FBXO15: variants seen among roughly 807,000 people sequenced by gnomAD.
FBXO15 encodes F-box protein 15, also known as F-box only protein 15.
In FBXO15, 30 loss-of-function variants were observed where a neutral mutation model predicts 49.5. That is an observed-to-expected ratio of 0.61 (90% CI 0.45 to 0.82). The LOEUF is 0.82. Ranked by LOEUF, FBXO15 falls within the 40% of genes least tolerant of loss-of-function variation. The probability of loss-of-function intolerance (pLI) is 0.00; values close to 1 mark genes in which losing one functional copy is unlikely to be tolerated. For missense variants in FBXO15, 591 were observed against 631.5 expected, an observed-to-expected ratio of 0.94 and a Z score of 0.69; for synonymous variants, 250 against 232.7, an observed-to-expected ratio of 1.07 and a Z score of -0.68.
intron 8 of FBXO15, among the ~76,000 whole-genome samples, chr18:74,096,130 G>T (rs1214115888): frequency 2.0e-5 from 3 of 152,150 alleles, no homozygotes; most frequent in Non-Finnish European, 2.9e-5. Context: ...TCCCTGGCAG[G>T]AGACCTGTCC....
intron 9 of FBXO15, among the ~76,000 whole-genome samples, chr18:74,078,054 C>A (rs527623012): frequency 3.5e-4 from 54 of 152,184 alleles, no homozygotes; most frequent in African/African-American, 1.3e-3. Flanking sequence ...CAGGAAGGAG[C>A]GGCCGGTGGG....
intron 7 of FBXO15, among the ~76,000 whole-genome samples, chr18:74,123,873 C>T (rs1300945969): frequency 1.3e-5 from 2 of 151,988 alleles, no homozygotes; most frequent in Non-Finnish European, 2.9e-5. Flanking sequence ...CACTGAATAC[C>T]GATCTGCAGG....
At chr18:74,085,113 G>T (rs1271712490) in intron 8 of FBXO15, among the ~76,000 whole-genome samples, 1 of 151,712 alleles carries the variant, frequency 6.6e-6, no homozygotes, top group Admixed American at 6.6e-5. Flanking sequence ...ATCCCAATAG[G>T]TACTTCAGAA....
chr18:74,137,486 A>T (rs972652709), intron 2 of FBXO15, among the ~76,000 whole-genome samples: 2 of 152,230 alleles, frequency 1.3e-5, no homozygotes, highest in Non-Finnish European at 2.9e-5. Context: ...CATTCAAGAC[A>T]GGCATTCAGC....
At chr18:74,107,057 G>A (rs749692910) in intron 8 of FBXO15, among the ~76,000 whole-genome samples, 19 of 151,982 alleles carry the variant, frequency 1.3e-4, no homozygotes, top group Admixed American at 5.9e-4. Context: ...TTTCCTGAAT[G>A]ATTATTTGCT....
chr18:74,092,414 G>C (rs1358741629), intron 8 of FBXO15, among the ~76,000 whole-genome samples: 1 of 152,158 alleles, frequency 6.6e-6, no homozygotes, highest in Non-Finnish European at 1.5e-5. Context: ...CATTGTGGGG[G>C]AACTAGTGTG....
At chr18:74,095,559 A>G (rs1411407217) in intron 8 of FBXO15, among the ~76,000 whole-genome samples, 1 of 152,218 alleles carries the variant, frequency 6.6e-6, no homozygotes, top group Non-Finnish European at 1.5e-5. Context: ...TAGGTTTGCC[A>G]TCTTACATGG....
chr18:74,090,539 T>C (rs951910915), intron 8 of FBXO15, among the ~76,000 whole-genome samples: 4 of 152,174 alleles, frequency 2.6e-5, no homozygotes, highest in African/African-American at 9.7e-5. Flanking sequence ...ATGTGGGTGT[T>C]TAGTGCTATA....
At chr18:74,135,653 A>G in intron 3 of FBXO15, 109 bp downstream of exon 3, 2 of 837,662 alleles carry the variant, frequency 2.4e-6, no homozygotes, top group Non-Finnish European at 3.7e-6. Flanking sequence ...GTGTGTAAAA[A>G]TACTCTTGAA....
At chr18:74,118,639 T>TTA (rs762743991) in intron 8 of FBXO15, among the ~76,000 whole-genome samples, 13 of 152,132 alleles carry the variant, frequency 8.5e-5, no homozygotes, top group Non-Finnish European at 1.6e-4. Context: ...AGTAATATAA[T>TTA]TAGTGTCTTG....
chr18:74,140,002 T>C (rs1333798379), intron 2 of FBXO15, among the ~76,000 whole-genome samples, 200 bp downstream of exon 2: 2 of 152,250 alleles, frequency 1.3e-5, no homozygotes, highest in African/African-American at 4.8e-5. Flanking sequence ...TCTTGAAGTT[T>C]CGTTTCATAA....
intron 9 of FBXO15, among the ~76,000 whole-genome samples, chr18:74,080,853 A>C (rs1264424826): frequency 6.6e-6 from 1 of 152,214 alleles, no homozygotes; most frequent in Non-Finnish European, 1.5e-5. Context: ...AACACAGAAC[A>C]AATTATTTTT....
At chr18:74,100,278 C>T (rs865977309) in intron 8 of FBXO15, among the ~76,000 whole-genome samples, 1 of 152,116 alleles carries the variant, frequency 6.6e-6, no homozygotes, top group South Asian at 2.1e-4. Context: ...CAAAGCCACA[C>T]AAATACATGG....
intron 2 of FBXO15, 82 bp from the exon 3 acceptor site, chr18:74,135,948 G>T: frequency 8.9e-7 from 1 of 1,121,846 alleles, no homozygotes; most frequent in Non-Finnish European, 1.3e-6. Context: ...ACAACTGGCT[G>T]CTCATCTCTA....
At chr18:74,087,750 A>T (rs1032931672) in intron 8 of FBXO15, among the ~76,000 whole-genome samples, 32 of 152,244 alleles carry the variant, frequency 2.1e-4, no homozygotes, top group African/African-American at 7.7e-4. Flanking sequence ...TTGCTAGGTC[A>T]AATGGTAATT....
rs542248128 is a variant in FBXO15 at position 74,107,342 on chromosome 18, A to T, written c.1138+16026T>A. Among the ~76,000 whole-genome samples the T allele has an allele frequency of 1.3e-3, 203 of 152,282 alleles. 1 individual carries two copies. Among genetic ancestry groups the T allele is most frequent in the African/African-American group, 4.5e-3 (188 of 41,574 alleles). On this transcript the variant is annotated intron_variant, in intron 8 of 9. Coordinates refer to ENST00000419743, the MANE Select transcript of FBXO15 (RefSeq NM_001142958.2). ...GAATTTCAAAAGCTGAAGTTAAAGA[A>T]GACATTAGTTTTTTAAAAAAATATT...
At chr18:74,136,981 G>A (rs1373716214) in intron 2 of FBXO15, among the ~76,000 whole-genome samples, 1 of 152,110 alleles carries the variant, frequency 6.6e-6, no homozygotes, top group African/African-American at 2.4e-5. Context: ...GAGGTAACTG[G>A]GTGTTTCACA....
chr18:74,131,893 G>A (rs1978416952), intron 3 of FBXO15, among the ~76,000 whole-genome samples: 1 of 152,116 alleles, frequency 6.6e-6, no homozygotes, highest in African/African-American at 2.4e-5. Context: ...TGGGTGCTCT[G>A]GGGAGGCAGA....
chr18:74,143,666 C>T (rs9949477), intron 1 of FBXO15, among the ~76,000 whole-genome samples: 26,680 of 152,148 alleles, frequency 0.18, 2,640 homozygotes, highest in East Asian at 0.27. Context: ...TTAACAATGT[C>T]TAGTCAATTA....
Sources: gnomAD v4.1 joint callset for allele counts (sites outside exome capture counted in the v4.1 genomes callset) on GRCh38, gnomAD v4.1.1 for gene constraint, MANE v1.5 for transcripts, NCBI Gene and HGNC (gene_info 2026-07-23, HGNC 2026-07-21) for gene names.